HOMER1: variants seen among roughly 807,000 people sequenced by gnomAD.
The protein encoded by HOMER1 is homer protein homolog 1.
In HOMER1, 3 loss-of-function variants were observed where a neutral mutation model predicts 48.9. The ratio of observed to expected loss-of-function variants is 0.06; its 90% CI spans 0.03 to 0.16. The LOEUF (loss-of-function observed/expected upper bound fraction) is 0.16. Among genes scored for constraint, HOMER1 ranks in the 10% least tolerant of loss-of-function variants. HOMER1 has a pLI of 1.00. For missense variants in HOMER1, 247 were observed against 411.4 expected (o/e 0.60, Z 3.46); for synonymous variants, 134 against 146.4 (o/e 0.92, Z 0.61).
At chr5:79,488,872 T>C (rs946615252) in intron 1 of HOMER1, among the ~76,000 whole-genome samples, 2 of 152,222 alleles carry the variant, frequency 1.3e-5, no homozygotes, top group African/African-American at 4.8e-5. Context: ...ACAGCCAAGA[T>C]GAGGATGGAG....
At chr5:79,475,288 GTATCTT>G (rs1751733691) in intron 1 of HOMER1, among the ~76,000 whole-genome samples, 1 of 152,050 alleles carries the variant, frequency 6.6e-6, no homozygotes, top group Non-Finnish European at 1.5e-5. Context: ...TCTAGAGCCC[GTATCTT>G]TATCTTATAC....
chr5:79,499,252 T>C (rs189075168), intron 1 of HOMER1, among the ~76,000 whole-genome samples: 4 of 152,322 alleles, frequency 2.6e-5, no homozygotes, highest in African/African-American at 9.6e-5. Context: ...AATAGATGCA[T>C]AAGTATTCCA....
At chr5:79,462,005 C>G (rs1751328283) in intron 1 of HOMER1, among the ~76,000 whole-genome samples, 1 of 152,102 alleles carries the variant, frequency 6.6e-6, no homozygotes, top group South Asian at 2.1e-4. Context: ...TTGAGACCAG[C>G]CTGGGCAACA....
intron 1 of HOMER1, among the ~76,000 whole-genome samples, chr5:79,466,461 G>A (rs891492530): frequency 7.2e-5 from 11 of 151,780 alleles, no homozygotes; most frequent in African/African-American, 2.7e-4. Context: ...TCGTGCCACT[G>A]CACTCCAGCC....
intron 1 of HOMER1, among the ~76,000 whole-genome samples, chr5:79,490,671 T>A (rs1752242567): frequency 6.6e-6 from 1 of 151,612 alleles, no homozygotes; most frequent in African/African-American, 2.4e-5. Context: ...GTGGCTCATG[T>A]CTGTAATCCC....
intron 1 of HOMER1, among the ~76,000 whole-genome samples, chr5:79,468,050 A>C (rs989273916): frequency 1.3e-5 from 2 of 152,184 alleles, no homozygotes; most frequent in African/African-American, 4.8e-5. Context: ...TGCTGCGATT[A>C]AAGGTATGAG....
At chr5:79,417,245 C>T (rs993503548) in intron 5 of HOMER1, among the ~76,000 whole-genome samples, 1 of 152,034 alleles carries the variant, frequency 6.6e-6, no homozygotes, top group African/African-American at 2.4e-5. Context: ...CGGGTTCACG[C>T]CATTCTCCTG....
intron 8 of HOMER1, among the ~76,000 whole-genome samples, chr5:79,380,563 T>C (rs941605549): frequency 5.9e-5 from 9 of 152,176 alleles, no homozygotes; most frequent in African/African-American, 9.7e-5. Flanking sequence ...GAAGGTGGCA[T>C]TGTCCTTCTG....
intron 5 of HOMER1, among the ~76,000 whole-genome samples, chr5:79,421,354 C>T (rs536608423): frequency 6.6e-6 from 1 of 152,304 alleles, no homozygotes; most frequent in East Asian, 1.9e-4. Flanking sequence ...ATAAGCTTAA[C>T]TCTCAGTGGA....
At position 79,451,095 on chromosome 5, in the gene HOMER1, T is replaced by C. The variant is rs1751014831; in HGVS notation, c.189A>G (p.Pro63=). 2.5e-6 allele frequency: 4 copies of C among 1,613,754 alleles called. No homozygotes were observed. In the South Asian group the frequency reaches 3.3e-5, roughly 13 times the overall value. ...GAGATGTTTTAGTAAATGTCATGTT[T>C]GGGGTGATGGTACTATTTATTATTG... ...SKAIINSTIT[P]NMTFTKTSQK... Residue 63 remains proline (P), a synonymous_variant, in exon 3 of 9, where the codon CCA becomes CCG. Coordinates refer to ENST00000334082, the MANE Select transcript of HOMER1 (RefSeq NM_004272.5).
intron 5 of HOMER1, among the ~76,000 whole-genome samples, chr5:79,413,171 A>G (rs1352120840): frequency 1.3e-5 from 2 of 152,218 alleles, no homozygotes; most frequent in Non-Finnish European, 2.9e-5. Flanking sequence ...AAAGTCTAAC[A>G]TTTATGCAAT....
chr5:79,449,249 T>C (rs191755337), intron 3 of HOMER1, among the ~76,000 whole-genome samples: 2 of 151,032 alleles, frequency 1.3e-5, no homozygotes, highest in East Asian at 3.9e-4. Flanking sequence ...TAATAGGCAA[T>C]AAAAAAAAAC....
intron 3 of HOMER1, among the ~76,000 whole-genome samples, chr5:79,450,023 A>G (rs1416115553): frequency 2.6e-5 from 4 of 152,148 alleles, no homozygotes; most frequent in Non-Finnish European, 2.9e-5. Flanking sequence ...TTCTGTAAAG[A>G]AAAACAGCTT....
intron 6 of HOMER1, among the ~76,000 whole-genome samples, chr5:79,399,879 G>C (rs996465021): frequency 1.3e-5 from 2 of 152,064 alleles, no homozygotes; most frequent in South Asian, 4.1e-4. Flanking sequence ...CAGGCTGAAG[G>C]GAAACAATAC....
chr5:79,402,814 T>G (rs993461983), intron 5 of HOMER1, among the ~76,000 whole-genome samples: 1 of 152,234 alleles, frequency 6.6e-6, no homozygotes, highest in African/African-American at 2.4e-5. Context: ...GGATATGTAA[T>G]GTAGTATTTC....
At position 79,447,043 on chromosome 5, in the gene HOMER1, A is replaced by C; in HGVS notation, c.387+10T>G. On this transcript the variant is annotated intron_variant, in intron 4 of 8. Transcript: ENST00000334082. The stretch of plus-strand genomic sequence containing the variant: ...AGGTTCATAATTAAGAATAGAAATG[A>C]TATACCCACCTGTGAAGGTGTACTG... 6.8e-7 allele frequency: 1 copy of C among 1,470,226 alleles called. No individual in the cohort carries two copies. Among genetic ancestry groups the C allele is most frequent in the Non-Finnish European group, 9.5e-7 (1 of 1,048,520 alleles). The allele number at this position is 1,470,226 out of a possible 1,614,324, so 91.1% of individuals were successfully genotyped here.
chr5:79,417,078 G>C (rs535387425), intron 5 of HOMER1, among the ~76,000 whole-genome samples: 1 of 151,862 alleles, frequency 6.6e-6, no homozygotes, highest in South Asian at 2.1e-4. Context: ...TGTGAATTAT[G>C]TATCTACTAG....
intron 1 of HOMER1, among the ~76,000 whole-genome samples, chr5:79,487,051 T>C (rs1050271066): frequency 2.0e-5 from 3 of 151,984 alleles, no homozygotes; most frequent in African/African-American, 7.3e-5. Flanking sequence ...GAGGCTGAGG[T>C]GGGAGGATCA....
chr5:79,442,470 C>A (rs1364108296), intron 4 of HOMER1, among the ~76,000 whole-genome samples: 1 of 152,160 alleles, frequency 6.6e-6, no homozygotes, highest in Non-Finnish European at 1.5e-5. Context: ...CTAGGACAAG[C>A]CTTTAGGGTG....
Sources: allele counts gnomAD v4.1 joint callset (sites outside exome capture counted in the v4.1 genomes callset), GRCh38; gene constraint gnomAD v4.1.1; transcripts MANE v1.5; gene names NCBI Gene and HGNC (gene_info 2026-07-23, HGNC 2026-07-21).